KCNQ1: variants seen among roughly 807,000 people sequenced by gnomAD.
The protein encoded by KCNQ1 is potassium voltage-gated channel subfamily Q member 1, also known as potassium voltage-gated channel subfamily KQT member 1.
In KCNQ1, 49 loss-of-function variants were observed where a neutral mutation model predicts 72.4. The observed-to-expected ratio is 0.68, with a 90% CI of 0.54 to 0.86. The LOEUF is 0.86. Ranked by LOEUF, KCNQ1 falls within the 40% of genes least tolerant of loss-of-function variation. KCNQ1 has a pLI of 0.00. For missense variants in KCNQ1, 790 were observed against 945.1 expected, an observed-to-expected ratio of 0.84 and a Z score of 2.15; for synonymous variants, 450 against 412.6, an observed-to-expected ratio of 1.09 and a Z score of -1.10.
intron 1 of KCNQ1, among the ~76,000 whole-genome samples, chr11:2,496,689 C>T (rs896592502): frequency 7.2e-5 from 11 of 151,878 alleles, no homozygotes; most frequent in East Asian, 1.9e-4. Context: ...TTACATTTAA[C>T]GTTAACATTG....
In KCNQ1 at chr11:2,478,113, G is replaced by A. The variant is rs1447134253; in HGVS notation, c.386+32629G>A. The stretch of plus-strand genomic sequence containing the variant: ...ACCACCCTCCGGATGGACAGCCTCG[G>A]TAGCAGAACTCCTGCCAAAGACACA... On this transcript the variant is annotated intron_variant, in intron 1 of 15. Transcript: ENST00000155840. This position sits in a 1 kb window ranked among gnomAD's most constrained non-coding sequence, Gnocchi z 4.0. 6.6e-6 allele frequency among the ~76,000 whole-genome samples: 1 copy of A among 151,884 alleles called. No homozygotes were observed. Among genetic ancestry groups the A allele is most frequent in the East Asian group, 1.9e-4 (1 of 5,134 alleles).
At chr11:2,649,998 T>A (rs1849733061) in intron 10 of KCNQ1, 1 of 398,498 alleles carries the variant, frequency 2.5e-6, no homozygotes, top group Non-Finnish European at 4.4e-6. Flanking sequence ...TGTTATTTTT[T>A]AAATCTGTCT....
Position 2,652,211 on chromosome 11 carries a change from A to G in KCNQ1, c.1394-9750A>G. On this transcript the variant is annotated intron_variant, in intron 10 of 15. Coordinates refer to ENST00000155840, the MANE Select transcript of KCNQ1 (RefSeq NM_000218.3). This position sits in a 1 kb window ranked among gnomAD's most constrained non-coding sequence, Gnocchi z 5.9. ...TCTGGATTTGGTAGCCAGGGCCTGGAGCCGGATGCTGAGAATGAGGCCTGC... is the reference window on the plus strand; with the variant it reads ...TCTGGATTTGGTAGCCAGGGCCTGGGGCCGGATGCTGAGAATGAGGCCTGC... 1 of 398,594 alleles carries G rather than the reference A, an allele frequency of 2.5e-6. No individual in the cohort carries two copies. 24.7% of individuals were successfully genotyped at this position (398,594 alleles called of 1,614,324 possible).
chr11:2,590,103 A>AT (rs1848651643), intron 10 of KCNQ1, among the ~76,000 whole-genome samples: 1 of 152,182 alleles, frequency 6.6e-6, no homozygotes, highest in Non-Finnish European at 1.5e-5. Flanking sequence ...CAGCTCTCTT[A>AT]AAACCAAATG....
intron 10 of KCNQ1, chr11:2,610,300 G>A (rs951872136): frequency 2.5e-6 from 1 of 397,892 alleles, no homozygotes; most frequent in East Asian, 3.6e-5. Flanking sequence ...ACCACTTTTT[G>A]TGGTATTGTT....
At chr11:2,798,523 G>T (rs11024137) in intron 15 of KCNQ1, among the ~76,000 whole-genome samples, 25 of 150,402 alleles carry the variant, frequency 1.7e-4, no homozygotes, top group Admixed American at 9.3e-4. Flanking sequence ...ATTCATTGGT[G>T]ATGGCAAAAT....
Position 2,674,146 on chromosome 11 carries a change from C to CA in KCNQ1, c.1514+12066dup, listed in dbSNP as rs1850243313. The CA allele has an allele frequency of 5.0e-6, 2 of 398,444 alleles. No homozygotes were observed. Among genetic ancestry groups the CA allele is most frequent in the Non-Finnish European group, 8.8e-6 (2 of 226,152 alleles). The allele number at this position is 398,444 out of a possible 1,614,324, so 24.7% of individuals were successfully genotyped here. A position where few individuals can be genotyped will look rare whatever the true frequency, so the allele number is the denominator to read the frequency against. Reference sequence around the variant, plus strand: ...TTGCCGGGGCCACCCAGTGTGGGCTCAGGAAGGGAAGGAATGTGACCAAGG... The same window carrying CA: ...TTGCCGGGGCCACCCAGTGTGGGCTCAAGGAAGGGAAGGAATGTGACCAAGG... On this transcript the variant is annotated intron_variant, in intron 11 of 15. Transcript: ENST00000155840. The surrounding 1 kb of genome is among the most constrained non-coding windows in gnomAD (Gnocchi z 5.9).
chr11:2,595,211 A>C lies in KCNQ1; in HGVS notation c.1393+6357A>C, dbSNP rs1848718435. Among the ~76,000 whole-genome samples, 2 of 152,204 alleles carry C rather than the reference A, an allele frequency of 1.3e-5. No homozygotes were observed. Among genetic ancestry groups the C allele is most frequent in the African/African-American group, 4.8e-5 (2 of 41,450 alleles). On this transcript the variant is annotated intron_variant, in intron 10 of 15. Coordinates refer to ENST00000155840, the MANE Select transcript of KCNQ1 (RefSeq NM_000218.3). The surrounding 1 kb of genome is among the most constrained non-coding windows in gnomAD (Gnocchi z 5.0). ...AAAACTGTCTTTATTTGCAGAAGACATGGTTATCTATGTAGAAAATCTGAT... is the reference window on the plus strand; with the variant it reads ...AAAACTGTCTTTATTTGCAGAAGACCTGGTTATCTATGTAGAAAATCTGAT...
rs986996938 is a variant in KCNQ1, at chr11:2,541,052, C to T, written c.477+13034C>T. The stretch of plus-strand genomic sequence containing the variant: ...ATAGGTACCCATGTGGACACACTCA[C>T]GTGTGTGTGCACGTTCAGGCTCAGA... On this transcript the variant is annotated intron_variant, in intron 2 of 15. Coordinates refer to ENST00000155840, the MANE Select transcript of KCNQ1 (RefSeq NM_000218.3). This position sits in a 1 kb window ranked among gnomAD's most constrained non-coding sequence, Gnocchi z 4.8. Among the ~76,000 whole-genome samples the T allele has an allele frequency of 8.5e-5, 13 of 152,258 alleles. No homozygotes were observed. Among genetic ancestry groups the T allele is most frequent in the Admixed American group, 3.9e-4 (6 of 15,290 alleles).
chr11:2,743,852 C>A (rs1846096873), intron 11 of KCNQ1, among the ~76,000 whole-genome samples: 1 of 152,218 alleles, frequency 6.6e-6, no homozygotes, highest in African/African-American at 2.4e-5. Flanking sequence ...GCAGCGGGTT[C>A]TTCTGGTAGG....
Position 2,658,771 on chromosome 11 carries a change from A to G in KCNQ1, c.1394-3190A>G. ...AAGCTAACCATGAGTTCATACTGAC[A>G]TTTCTGACCAGAGTTCATCCTTGCC... On this transcript the variant is annotated intron_variant, in intron 10 of 15. Transcript: ENST00000155840. The surrounding 1 kb of genome is among the most constrained non-coding windows in gnomAD (Gnocchi z 4.9). The G allele has an allele frequency of 2.5e-6, 1 of 398,510 alleles. No individual in the cohort carries two copies. The allele number at this position is 398,510 out of a possible 1,614,324, so 24.7% of individuals were successfully genotyped here. A position where few individuals can be genotyped will look rare whatever the true frequency, so the allele number is the denominator to read the frequency against.
intron 6 of KCNQ1, 109 bp downstream of exon 6, chr11:2,573,095 C>A: frequency 7.7e-7 from 1 of 1,300,264 alleles, no homozygotes; most frequent in Non-Finnish European, 1.1e-6. Context: ...AGGGGCTTCT[C>A]ACCTGCACGC....
chr11:2,556,388 C>G (rs923823351), intron 2 of KCNQ1, among the ~76,000 whole-genome samples: 1 of 152,164 alleles, frequency 6.6e-6, no homozygotes, highest in African/African-American at 2.4e-5. Context: ...ACCTACCTGT[C>G]AGAGGATTCT....
chr11:2,532,710 G>A (rs1847661867), intron 2 of KCNQ1, among the ~76,000 whole-genome samples: 1 of 152,152 alleles, frequency 6.6e-6, no homozygotes, highest in Admixed American at 6.5e-5. Flanking sequence ...CCCCTCCCAG[G>A]GCTCACAGCT....
intron 11 of KCNQ1, among the ~76,000 whole-genome samples, chr11:2,700,867 T>A (rs1381144306): frequency 6.6e-6 from 1 of 151,552 alleles, no homozygotes; most frequent in African/African-American, 2.4e-5. Context: ...GCCTTCTGAA[T>A]GCCAAGCATT....
At chr11:2,591,573 G>A (rs1848670663) in intron 10 of KCNQ1, among the ~76,000 whole-genome samples, 1 of 152,238 alleles carries the variant, frequency 6.6e-6, no homozygotes, top group African/African-American at 2.4e-5. Flanking sequence ...CGTGGCCGGG[G>A]GCTGGGGACC....
intron 10 of KCNQ1, chr11:2,609,493 A>C (rs1297122005): frequency 2.5e-6 from 1 of 398,228 alleles, no homozygotes; most frequent in Admixed American, 4.4e-5. Flanking sequence ...CTGTATATTC[A>C]ATGTTGGTTG....
rs1283250289 is a variant in KCNQ1, at chr11:2,565,889, A to G, written c.478-4739A>G. The stretch of plus-strand genomic sequence containing the variant: ...CAGGCCCTTCACTGGGTCTGGAGGA[A>G]GGAGGGTGCTGTGGTCCTGGTGGCT... On this transcript the variant is annotated intron_variant, in intron 2 of 15. Transcript: ENST00000155840. The surrounding 1 kb of genome is among the most constrained non-coding windows in gnomAD (Gnocchi z 5.6). 1.3e-5 allele frequency among the ~76,000 whole-genome samples: 2 copies of G among 152,168 alleles called. No individual in the cohort carries two copies. The highest frequency in any genetic ancestry group is 4.8e-5 in the African/African-American group (2 of 41,446).
At chr11:2,796,442 C>T (rs1193877064) in intron 15 of KCNQ1, among the ~76,000 whole-genome samples, 1 of 152,250 alleles carries the variant, frequency 6.6e-6, no homozygotes, top group African/African-American at 2.4e-5. Context: ...ATCTTCCCAG[C>T]ACCCTTCCAC....
Sources: gnomAD v4.1 joint callset for allele counts (sites outside exome capture counted in the v4.1 genomes callset) on GRCh38, gnomAD v4.1.1 for gene constraint, Gnocchi (gnomAD v3.1) non-coding constraint, MANE v1.5 for transcripts, NCBI Gene and HGNC (gene_info 2026-07-23, HGNC 2026-07-21) for gene names.